TRPM1: variants seen among roughly 807,000 people sequenced by gnomAD.
TRPM1 encodes the protein TRPM1-203 APA Isoform, Intron 10.
TRPM1 carries 113 observed loss-of-function variants against 149.4 expected under a neutral mutation model. The ratio of observed to expected loss-of-function variants is 0.76; its 90% confidence interval spans 0.65 to 0.88. The LOEUF (loss-of-function observed/expected upper bound fraction) is 0.88. Ranked by LOEUF, TRPM1 falls within the 40% of genes least tolerant of loss-of-function variation. TRPM1 has a pLI of 0.00. For missense variants in TRPM1, 1,976 were observed against 2,038.7 expected (o/e 0.97, Z 0.59); for synonymous variants, 741 against 759.5 (o/e 0.98, Z 0.40).
At chr15:31,065,201 A>G (rs1409838178) in intron 7 of TRPM1, 3 of 515,528 alleles carry the variant, frequency 5.8e-6, no homozygotes, top group Non-Finnish European at 1.2e-5. Flanking sequence ...AACAAAAAAC[A>G]TTCAGTCATC....
At chr15:31,093,902 G>A (rs373275398) in intron 1 of TRPM1, among the ~76,000 whole-genome samples, 185 of 152,076 alleles carry the variant, frequency 1.2e-3, no homozygotes, top group African/African-American at 4.1e-3. Flanking sequence ...GCACATGGCC[G>A]ACAAAGCAAT....
At chr15:31,125,466 T>C (rs12907163) in intron 1 of TRPM1, among the ~76,000 whole-genome samples, 83,938 of 151,640 alleles carry the variant, frequency 0.55, 24,378 homozygotes, top group African/African-American at 0.69. Context: ...CGCAGTGGCT[T>C]ACGCCTGTAA....
chr15:31,113,823 G>A (rs950439323), intron 1 of TRPM1, among the ~76,000 whole-genome samples: 2 of 152,152 alleles, frequency 1.3e-5, no homozygotes, highest in Admixed American at 6.5e-5. Context: ...AAGATTTATT[G>A]TGAAGATGTG....
intron 1 of TRPM1, among the ~76,000 whole-genome samples, chr15:31,147,498 A>G (rs1356756713): frequency 3.3e-5 from 5 of 152,254 alleles, no homozygotes; most frequent in Non-Finnish European, 5.9e-5. Flanking sequence ...CACTTCACAG[A>G]TATGGAAACT....
At chr15:31,041,845 C>T in intron 17 of TRPM1, 106 bp downstream of exon 17, 1 of 1,245,196 alleles carries the variant, frequency 8.0e-7, no homozygotes, top group Non-Finnish European at 1.2e-6. Flanking sequence ...CAAGCTTTAA[C>T]CACCATTGTC....
chr15:31,022,973 G>T (rs1341591744), intron 27 of TRPM1, among the ~76,000 whole-genome samples: 13 of 152,258 alleles, frequency 8.5e-5, no homozygotes, highest in Admixed American at 8.5e-4. Flanking sequence ...GGTGAGACCT[G>T]ATTGTGCCAC....
chr15:31,106,427 C>T (rs745383489), upstream of TRPM1, among the ~76,000 whole-genome samples: 12 of 152,028 alleles, frequency 7.9e-5, no homozygotes, highest in African/African-American at 1.9e-4. Context: ...TGAGCCACCA[C>T]GCCTGGCCGC....
At chr15:31,036,826 G>T (rs915182017) in intron 20 of TRPM1, among the ~76,000 whole-genome samples, 2 of 152,252 alleles carry the variant, frequency 1.3e-5, no homozygotes, top group African/African-American at 4.8e-5. Context: ...CAGGCCCTCA[G>T]CTGACCCTTG....
chr15:31,074,298 A>G (rs571954086), intron 3 of TRPM1, among the ~76,000 whole-genome samples: 1 of 152,216 alleles, frequency 6.6e-6, no homozygotes, highest in African/African-American at 2.4e-5. Context: ...AATGTTTTTT[A>G]GAATTCATCG....
intron 1 of TRPM1, among the ~76,000 whole-genome samples, chr15:31,100,737 G>C (rs1318470023): frequency 1.3e-5 from 2 of 152,100 alleles, no homozygotes; most frequent in Admixed American, 6.5e-5. Flanking sequence ...CAATAATTCT[G>C]TACGGTTATT....
At chr15:31,140,346 T>G (rs1471390673) in intron 1 of TRPM1, among the ~76,000 whole-genome samples, 1 of 151,756 alleles carries the variant, frequency 6.6e-6, no homozygotes, top group Non-Finnish European at 1.5e-5. Flanking sequence ...GCCACTGCAC[T>G]GCAGCCTGGG....
At chr15:31,117,435 G>A (rs1286536914) in intron 1 of TRPM1, among the ~76,000 whole-genome samples, 14 of 152,104 alleles carry the variant, frequency 9.2e-5, no homozygotes, top group African/African-American at 2.7e-4. Flanking sequence ...GCAGAGACCC[G>A]AGATCGTGCC....
Position 31,067,966 on chromosome 15 carries a change from G to A in TRPM1, c.406C>T (p.Pro136Ser). 1 of 1,614,154 alleles carries A rather than the reference G, an allele frequency of 6.2e-7. No homozygotes were observed. Among genetic ancestry groups the A allele is most frequent in the Non-Finnish European group, 8.5e-7 (1 of 1,180,026 alleles). Residue 136 changes from proline (P) to serine (S), a missense_variant, in exon 5 of 28, where the codon CCC becomes TCC. Pro to Ser is a moderately conservative substitution (Grantham distance 74). Around this residue, in one of 3 missense-constraint regions of TRPM1, gnomAD observed 1,332 missense variants for 1,347.1 expected, o/e 0.99. Transcript: ENST00000256552. The part of the protein sequence containing the change: ...HGGLQNFEMQ[P>S]KLKQVFGKGL... The stretch of plus-strand genomic sequence containing the variant: ...TTCCCAAAGACTTGTTTCAGCTTGG[G>A]CTGCATCTCAAAGTTCTGGAGGCCT...
At chr15:31,089,189 G>T (rs1267933081) in intron 1 of TRPM1, among the ~76,000 whole-genome samples, 1 of 152,226 alleles carries the variant, frequency 6.6e-6, no homozygotes, top group Non-Finnish European at 1.5e-5. Flanking sequence ...TGCAACAGGA[G>T]TGGTCATTTC....
At chr15:31,155,660 T>C (rs566870295) in intron 1 of TRPM1, among the ~76,000 whole-genome samples, 6 of 152,278 alleles carry the variant, frequency 3.9e-5, no homozygotes, top group Admixed American at 1.3e-4. Context: ...TGTACTTATA[T>C]ATATTTTTCT....
intron 3 of TRPM1, among the ~76,000 whole-genome samples, chr15:31,076,398 C>T (rs556053511): frequency 2.6e-5 from 4 of 152,170 alleles, no homozygotes; most frequent in Non-Finnish European, 5.9e-5. Flanking sequence ...TTAATCTCTA[C>T]TTACATGACT....
intron 1 of TRPM1, among the ~76,000 whole-genome samples, chr15:31,097,400 G>A (rs1487993979): frequency 6.6e-6 from 1 of 152,196 alleles, no homozygotes; most frequent in Non-Finnish European, 1.5e-5. Context: ...CGGCTTGGCT[G>A]AGTACTGGCT....
Position 31,002,265 on chromosome 15 carries a change from C to T in TRPM1, c.4435G>A (p.Glu1479Lys). Residue 1479 changes from glutamate (E) to lysine (K), a missense_variant, in exon 28 of 28, where the codon GAG becomes AAG. Glu to Lys is a moderately conservative substitution (Grantham distance 56). Transcript: ENST00000256552. ...TGCTGGTCCGTGATTGAACTGTACT[C>T]TACATCCTGGTTAACCCCACCGACC... is the stretch of plus-strand genomic sequence containing the variant. ...KLVGGVNQDV[E>K]YSSITDQQLT... 6.2e-7 allele frequency: 1 copy of T among 1,614,254 alleles called. No individual in the cohort carries two copies. Among genetic ancestry groups the T allele is most frequent in the Non-Finnish European group, 8.5e-7 (1 of 1,180,048 alleles).
intron 27 of TRPM1, among the ~76,000 whole-genome samples, chr15:31,022,845 T>C (rs2032594755): frequency 6.6e-6 from 1 of 152,102 alleles, no homozygotes; most frequent in Non-Finnish European, 1.5e-5. Context: ...TGAGACTTCC[T>C]CTCTACTAAA....
Sources: allele counts gnomAD v4.1 joint callset (sites outside exome capture counted in the v4.1 genomes callset), GRCh38; gene constraint gnomAD v4.1.1; regional missense constraint gnomAD v4.1.1; transcripts MANE v1.5; gene names NCBI Gene and HGNC (gene_info 2026-07-23, HGNC 2026-07-21).